GRIA1: variants seen among roughly 807,000 people sequenced by gnomAD.
GRIA1 encodes glutamate receptor 1.
In GRIA1, 31 loss-of-function variants were observed where a neutral mutation model predicts 99.2. The ratio of observed to expected loss-of-function variants is 0.31; its 90% CI spans 0.23 to 0.42. The LOEUF (loss-of-function observed/expected upper bound fraction) is 0.42, where lower values mean the gene tolerates loss of function less well. GRIA1 is among the 10% of genes least tolerant of loss of function. The probability of loss-of-function intolerance (pLI) is 1.00; values close to 1 mark genes in which losing one functional copy is unlikely to be tolerated. For synonymous variants in GRIA1, 438 were observed against 432.4 expected (o/e 1.01, Z -0.16); for missense variants, 782 against 1,157.5 (o/e 0.68, Z 4.71).
At chr5:153,646,815 G>A (rs910348243) in intron 2 of GRIA1, 113 bp from the exon 3 acceptor site, 8 of 1,147,530 alleles carry the variant, frequency 7.0e-6, no homozygotes, top group Admixed American at 5.8e-5. Flanking sequence ...ATAGATGACA[G>A]TTGGGTGGAT....
At chr5:153,692,460 A>G (rs1757832303) in intron 8 of GRIA1, among the ~76,000 whole-genome samples, 1 of 152,204 alleles carries the variant, frequency 6.6e-6, no homozygotes, top group Admixed American at 6.5e-5. Flanking sequence ...ACATGTGAAA[A>G]TTATGAGAGA....
chr5:153,720,180 G>A (rs970461778), intron 11 of GRIA1, among the ~76,000 whole-genome samples: 3 of 152,168 alleles, frequency 2.0e-5, no homozygotes, highest in Admixed American at 1.3e-4. Context: ...CACATAGCCG[G>A]TAAAGTTAGC....
chr5:153,518,169 C>T (rs1006829747), intron 2 of GRIA1, among the ~76,000 whole-genome samples: 2 of 152,190 alleles, frequency 1.3e-5, no homozygotes, highest in African/African-American at 4.8e-5. Context: ...TTTCTAATTG[C>T]CCTCTCTTCC....
chr5:153,800,565 A>G (rs1765943256), intron 14 of GRIA1, among the ~76,000 whole-genome samples: 1 of 152,232 alleles, frequency 6.6e-6, no homozygotes, highest in Admixed American at 6.5e-5. Context: ...AAGCCAGGCT[A>G]TGCCTTGCCA....
chr5:153,492,249 G>T, intron 1 of GRIA1: 1 of 1,535,458 alleles, frequency 6.5e-7, no homozygotes, highest in Non-Finnish European at 8.7e-7. Flanking sequence ...CTGGCGGCTT[G>T]GAGTGGCCAT....
intron 2 of GRIA1, among the ~76,000 whole-genome samples, chr5:153,554,195 G>A (rs1157983820): frequency 6.6e-6 from 1 of 152,160 alleles, no homozygotes; most frequent in Non-Finnish European, 1.5e-5. Flanking sequence ...AGTTATATGA[G>A]TGTACTGAGT....
At chr5:153,697,478 A>G (rs4415128) in intron 8 of GRIA1, among the ~76,000 whole-genome samples, 112,121 of 152,108 alleles carry the variant, frequency 0.74, 42,125 homozygotes, top group East Asian at 0.96. Context: ...TAATTTTTAG[A>G]CACTCCTATA....
At chr5:153,571,777 T>C (rs1762139277) in intron 2 of GRIA1, among the ~76,000 whole-genome samples, 1 of 152,178 alleles carries the variant, frequency 6.6e-6, no homozygotes, top group Non-Finnish European at 1.5e-5. Flanking sequence ...TTGCTATATT[T>C]TGGAATAGGA....
intron 6 of GRIA1, among the ~76,000 whole-genome samples, chr5:153,675,913 G>A (rs917847557): frequency 1.3e-5 from 2 of 150,504 alleles, no homozygotes; most frequent in Non-Finnish European, 2.9e-5. Context: ...CTGGAGTGCA[G>A]TGGCATGATC....
chr5:153,727,280 T>A (rs1760624410), intron 11 of GRIA1, among the ~76,000 whole-genome samples: 1 of 152,146 alleles, frequency 6.6e-6, no homozygotes, highest in Non-Finnish European at 1.5e-5. Flanking sequence ...GCCAATATCA[T>A]ACTGAATGGG....
intron 2 of GRIA1, among the ~76,000 whole-genome samples, chr5:153,575,308 T>C (rs1762439264): frequency 1.3e-5 from 2 of 152,324 alleles, no homozygotes; most frequent in African/African-American, 4.8e-5. Flanking sequence ...CCTACCTGTT[T>C]AACCCTTTGT....
At chr5:153,797,187 A>C (rs1012998449) in intron 14 of GRIA1, among the ~76,000 whole-genome samples, 1 of 152,212 alleles carries the variant, frequency 6.6e-6, no homozygotes, top group Non-Finnish European at 1.5e-5. Flanking sequence ...GTTCCTGCTC[A>C]GGGTCAGGTT....
chr5:153,525,330 A>G (rs1346624294), intron 2 of GRIA1: 2 of 152,184 alleles, frequency 1.3e-5, no homozygotes, highest in Non-Finnish European at 2.9e-5. Context: ...TGTGCTAACC[A>G]TCCTGTAATG....
At chr5:153,723,378 C>G (rs1462744998) in intron 11 of GRIA1, among the ~76,000 whole-genome samples, 1 of 152,200 alleles carries the variant, frequency 6.6e-6, no homozygotes, top group Non-Finnish European at 1.5e-5. Context: ...CTAGGGAGTG[C>G]CAGACAGTGG....
intron 2 of GRIA1, among the ~76,000 whole-genome samples, chr5:153,625,208 TC>T (rs1404384624): frequency 6.6e-6 from 1 of 152,150 alleles, no homozygotes; most frequent in Non-Finnish European, 1.5e-5. Flanking sequence ...AATCCTCCAT[TC>T]CATGGGAGAA....
At chr5:153,566,738 C>T (rs373527414) in intron 2 of GRIA1, among the ~76,000 whole-genome samples, 3,012 of 78,100 alleles carry the variant, frequency 0.039, 72 homozygotes, top group African/African-American at 0.077. Flanking sequence ...TTTTTTGAGA[C>T]GGAGTTTTGC....
At chr5:153,765,179 G>C (rs1211787039) in intron 12 of GRIA1, among the ~76,000 whole-genome samples, 3 of 152,200 alleles carry the variant, frequency 2.0e-5, no homozygotes, top group African/African-American at 7.2e-5. Context: ...GCAGAAGACA[G>C]TGAGCGGAAG....
intron 11 of GRIA1, among the ~76,000 whole-genome samples, chr5:153,720,019 G>T (rs771969960): frequency 1.3e-5 from 2 of 152,098 alleles, no homozygotes; most frequent in Non-Finnish European, 1.5e-5. Flanking sequence ...TTAATTTTTT[G>T]TGTCCACAAT....
chr5:153,646,185 G>C (rs927389207), intron 2 of GRIA1, among the ~76,000 whole-genome samples: 1 of 152,178 alleles, frequency 6.6e-6, no homozygotes, highest in Non-Finnish European at 1.5e-5. Flanking sequence ...TGTTCTCACA[G>C]CTAAGCTATT....
Sources: allele counts gnomAD v4.1 joint callset (sites outside exome capture counted in the v4.1 genomes callset), GRCh38; gene constraint gnomAD v4.1.1; transcripts MANE v1.5; gene names NCBI Gene and HGNC (gene_info 2026-07-23, HGNC 2026-07-21).